RBFOX1: variants seen among roughly 807,000 people sequenced by gnomAD.
RBFOX1 encodes the protein RNA binding fox-1 homolog 1.
In RBFOX1, 8 loss-of-function variants were observed where a neutral mutation model predicts 57.7. The observed-to-expected ratio is 0.14, with a 90% CI of 0.08 to 0.25. The LOEUF is 0.25. Ranked by LOEUF, RBFOX1 falls within the 10% of genes least tolerant of loss-of-function variation. RBFOX1 has a pLI of 1.00. For synonymous variants in RBFOX1, 326 were observed against 222.4 expected (o/e 1.47, Z -4.15); for missense variants, 611 against 548.5 (o/e 1.11, Z -1.14).
At chr16:5,904,629 T>C (rs56236052) in intron 4 of RBFOX1, among the ~76,000 whole-genome samples, 7 of 151,958 alleles carry the variant, frequency 4.6e-5, no homozygotes, top group Middle Eastern at 3.4e-3. Context: ...TATGTTGAGG[T>C]CTTTGCCCTC....
intron 2 of RBFOX1, among the ~76,000 whole-genome samples, chr16:6,516,056 G>A (rs573382925): frequency 1.3e-5 from 2 of 152,086 alleles, no homozygotes; most frequent in Non-Finnish European, 2.9e-5. Context: ...CAGAGCAATG[G>A]TACACTCCAA....
At chr16:6,496,564 C>A (rs943642533) in intron 2 of RBFOX1, among the ~76,000 whole-genome samples, 6 of 152,188 alleles carry the variant, frequency 3.9e-5, no homozygotes, top group Non-Finnish European at 5.9e-5. Flanking sequence ...AAAGCTGTTG[C>A]TGCATTACAT....
At chr16:7,494,174 T>A (rs1215430382) in intron 4 of RBFOX1, among the ~76,000 whole-genome samples, 1 of 152,190 alleles carries the variant, frequency 6.6e-6, no homozygotes, top group Admixed American at 6.5e-5. Context: ...TTTTTTGGAC[T>A]GGGATGTTTG....
chr16:7,122,034 C>T lies in RBFOX1; in HGVS notation c.27+69936C>T, dbSNP rs141686080. 5.5e-3 allele frequency among the ~76,000 whole-genome samples: 831 copies of T among 152,014 alleles called. 10 individuals carry two copies. The highest frequency in any genetic ancestry group is 0.019 in the African/African-American group (790 of 41,500). On this transcript the variant is annotated intron_variant, in intron 4 of 15. Transcript: ENST00000550418. ...ATGGATCATAGATCTAAATATAAAA[C>T]GTAGAACTGTAAAGTTTTAGAAGAA... is the stretch of plus-strand genomic sequence containing the variant.
intron 4 of RBFOX1, among the ~76,000 whole-genome samples, chr16:7,068,160 G>A (rs932844606): frequency 6.6e-5 from 10 of 151,924 alleles, no homozygotes; most frequent in South Asian, 6.2e-4. Flanking sequence ...TTTAAGATCC[G>A]TAATTATAAT....
Position 7,001,498 on chromosome 16 carries a change from C to T in RBFOX1, c.-15-50559C>T, listed in dbSNP as rs551492338. Among the ~76,000 whole-genome samples the T allele has an allele frequency of 1.8e-3, 279 of 151,808 alleles. 1 individual carries two copies. The highest frequency in any genetic ancestry group is 6.1e-3 in the African/African-American group (251 of 41,296). ...TTGAGATGGAGTCTCGCTTTGTTGC[C>T]GAGGATGGAGTACAGTTGCATGATC... is the stretch of plus-strand genomic sequence containing the variant. On this transcript the variant is annotated intron_variant, in intron 3 of 15. Transcript: ENST00000550418.
chr16:6,953,836 GA>G (rs1471136103), intron 3 of RBFOX1, among the ~76,000 whole-genome samples: 1 of 152,094 alleles, frequency 6.6e-6, no homozygotes, highest in Non-Finnish European at 1.5e-5. Context: ...ATAACTCTTG[GA>G]TACCTGACTT....
intron 3 of RBFOX1, among the ~76,000 whole-genome samples, chr16:6,957,440 G>C (rs373119282): frequency 1.3e-5 from 2 of 152,110 alleles, no homozygotes; most frequent in South Asian, 4.1e-4. Flanking sequence ...ACAAGGGGTG[G>C]ATTATTCATG....
chr16:6,982,159 T>C (rs1351715518), intron 3 of RBFOX1, among the ~76,000 whole-genome samples: 1 of 152,184 alleles, frequency 6.6e-6, no homozygotes, highest in Non-Finnish European at 1.5e-5. Flanking sequence ...GTTTATGGTA[T>C]TGGATTGTGT....
At chr16:6,098,797 C>G (rs146592726) in intron 1 of RBFOX1, among the ~76,000 whole-genome samples, 1 of 152,170 alleles carries the variant, frequency 6.6e-6, no homozygotes, top group African/African-American at 2.4e-5. Flanking sequence ...CTGAGACACA[C>G]CCATCCCGGA....
chr16:6,911,420 T>A (rs1343178567), intron 3 of RBFOX1, among the ~76,000 whole-genome samples: 1 of 152,164 alleles, frequency 6.6e-6, no homozygotes, highest in Non-Finnish European at 1.5e-5. Context: ...CTCCCTGTGG[T>A]TGCTGGCAAC....
chr16:7,607,398 C>T, intron 10 of RBFOX1, 60 bp downstream of exon 10: 1 of 1,463,096 alleles, frequency 6.8e-7, no homozygotes, highest in Non-Finnish European at 9.5e-7. Flanking sequence ...CTTTGCCTGC[C>T]AAGAATGAAT....
chr16:5,678,484 G>A (rs78171809), intron 3 of RBFOX1, among the ~76,000 whole-genome samples: 14,041 of 152,266 alleles, frequency 0.092, 1,081 homozygotes, highest in East Asian at 0.33. Context: ...GTGCAAGCGG[G>A]TAGGGCAAGG....
At chr16:6,883,566 C>G (rs2063376815) in intron 3 of RBFOX1, among the ~76,000 whole-genome samples, 1 of 152,220 alleles carries the variant, frequency 6.6e-6, no homozygotes. Context: ...AACTGCTCAG[C>G]TTACCTTTAA....
chr16:6,920,318 A>C (rs2074185725), intron 3 of RBFOX1, among the ~76,000 whole-genome samples: 1 of 152,170 alleles, frequency 6.6e-6, no homozygotes, highest in South Asian at 2.1e-4. Context: ...ATCAAACGGT[A>C]GTTCTGCTCT....
chr16:7,016,122 G>A (rs1486173077), intron 3 of RBFOX1, among the ~76,000 whole-genome samples: 1 of 152,100 alleles, frequency 6.6e-6, no homozygotes, highest in African/African-American at 2.4e-5. Flanking sequence ...TCACTTCTGG[G>A]ACAAAGCATG....
intron 3 of RBFOX1, among the ~76,000 whole-genome samples, chr16:6,670,302 T>C (rs1720640132): frequency 6.6e-6 from 1 of 152,020 alleles, no homozygotes; most frequent in South Asian, 2.1e-4. Context: ...AGTCCGGAGC[T>C]CAAGCAGTCC....
At chr16:5,735,763 C>T (rs1208932538) in intron 3 of RBFOX1, among the ~76,000 whole-genome samples, 1 of 152,044 alleles carries the variant, frequency 6.6e-6, no homozygotes, top group Non-Finnish European at 1.5e-5. Context: ...TGTAATCCTG[C>T]TACTCTGGAG....
chr16:7,630,616 G>T lies in RBFOX1; in HGVS notation c.690G>T (p.Leu230Phe), dbSNP rs765109707. 1 of 1,614,136 alleles carries T rather than the reference G, an allele frequency of 6.2e-7. No homozygotes were observed. The highest frequency in any genetic ancestry group is 8.5e-7 in the Non-Finnish European group (1 of 1,180,036). Residue 230 changes from leucine to phenylalanine, a missense_variant, in exon 11 of 16, where the codon TTG (leucine) becomes TTT (phenylalanine). Physicochemically the swap from Leu to Phe is conservative, Grantham distance 22. Transcript: ENST00000550418. Reference protein sequence around the residue: ...SPEFYAGTVLLCQANQEGSSM... With the variant: ...SPEFYAGTVLFCQANQEGSSM... ...TCTCTTTCGTAGGCACGGTCCTGTT[G>T]TGCCAGGCCAACCAGGAGGGATCTT...
Sources: gnomAD v4.1 joint callset for allele counts (sites outside exome capture counted in the v4.1 genomes callset) on GRCh38, gnomAD v4.1.1 for gene constraint, MANE v1.5 for transcripts, NCBI Gene and HGNC (gene_info 2026-07-23, HGNC 2026-07-21) for gene names.